Variants in ACLY observed in about 807,000 individuals in gnomAD.
The protein encoded by ACLY is ATP citrate lyase.
Under a neutral mutation model 133.0 loss-of-function variants are expected in ACLY, and 41 were observed. That is an observed-to-expected ratio of 0.31 (90% CI 0.24 to 0.40). The LOEUF (loss-of-function observed/expected upper bound fraction) is 0.40, where lower values mean the gene tolerates loss of function less well. Among genes scored for constraint, ACLY ranks in the 10% least tolerant of loss-of-function variants. ACLY has a pLI of 1.00. For missense variants in ACLY, 1,046 were observed against 1,453.8 expected (o/e 0.72, Z 4.56); for synonymous variants, 495 against 549.3 (o/e 0.90, Z 1.38).
chr17:41,916,378 GTTTTTTTTT>G (rs71155191), intron 1 of ACLY, among the ~76,000 whole-genome samples: 2 of 141,170 alleles, frequency 1.4e-5, no homozygotes, highest in African/African-American at 5.2e-5. Context: ...GTTTTGTTTT[GTTTTTTTTT>G]TTTTGAGAAG....
At chr17:41,891,577 G>A (rs1220648125) in intron 16 of ACLY, among the ~76,000 whole-genome samples, 2 of 151,428 alleles carry the variant, frequency 1.3e-5, no homozygotes, top group Non-Finnish European at 2.9e-5. Context: ...TTTTTTATAG[G>A]GACAGGGTCT....
At chr17:41,903,295 T>C (rs1290249911) in intron 10 of ACLY, among the ~76,000 whole-genome samples, 4 of 152,166 alleles carry the variant, frequency 2.6e-5, no homozygotes, top group Non-Finnish European at 4.4e-5. Context: ...TCTGTCTTCC[T>C]TGTTGACAGC....
At chr17:41,880,689 C>T (rs2048889312) in intron 20 of ACLY, among the ~76,000 whole-genome samples, 1 of 151,934 alleles carries the variant, frequency 6.6e-6, no homozygotes, top group Admixed American at 6.6e-5. Flanking sequence ...GGTGAAACCC[C>T]ATCTCTACTA....
At chr17:41,888,582 A>G (rs188675967) in intron 16 of ACLY, among the ~76,000 whole-genome samples, 43 of 152,290 alleles carry the variant, frequency 2.8e-4, no homozygotes, top group Admixed American at 1.3e-3. Context: ...ACTTCTGTAA[A>G]GGGTCAAGAT....
intron 5 of ACLY, among the ~76,000 whole-genome samples, 194 bp from the exon 6 acceptor site, chr17:41,909,262 G>T (rs1189946023): frequency 6.6e-6 from 1 of 152,202 alleles, no homozygotes; most frequent in African/African-American, 2.4e-5. Context: ...GAAAGGAGCT[G>T]TCAGGCGAGA....
At chr17:41,898,111 T>C (rs2049425386) in intron 12 of ACLY, among the ~76,000 whole-genome samples, 1 of 151,018 alleles carries the variant, frequency 6.6e-6, no homozygotes, top group Non-Finnish European at 1.5e-5. Flanking sequence ...TAAGTTTTTC[T>C]TTTCTTTTCT....
At chr17:41,871,653 C>A in intron 25 of ACLY, 36 bp downstream of exon 25, 1 of 1,612,846 alleles carries the variant, frequency 6.2e-7, no homozygotes, top group East Asian at 2.2e-5. Context: ...CCGCGCCTGG[C>A]CTCCATCCCA....
chr17:41,877,940 C>T (rs139055766), intron 22 of ACLY, among the ~76,000 whole-genome samples, 163 bp downstream of exon 22: 2 of 152,196 alleles, frequency 1.3e-5, no homozygotes, highest in East Asian at 3.9e-4. Context: ...AATAAACTCT[C>T]CTTTATATAT....
At chr17:41,896,202 C>G (rs943596557) in intron 14 of ACLY, among the ~76,000 whole-genome samples, 7 of 152,158 alleles carry the variant, frequency 4.6e-5, no homozygotes, top group African/African-American at 1.4e-4. Flanking sequence ...GCAGGGGTGA[C>G]TTGTGGCTCC....
chr17:41,904,898 A>G, intron 9 of ACLY, 108 bp from the exon 10 acceptor site: 1 of 1,064,870 alleles, frequency 9.4e-7, no homozygotes, highest in Non-Finnish European at 1.4e-6. Flanking sequence ...AGGGTCCCCC[A>G]TCTGCCAGGA....
intron 5 of ACLY, 73 bp from the exon 6 acceptor site, chr17:41,909,141 G>T: frequency 8.5e-7 from 1 of 1,183,086 alleles, no homozygotes; most frequent in Non-Finnish European, 1.2e-6. Context: ...GCGCCCCGCA[G>T]CAATCTCTCA....
intron 16 of ACLY, among the ~76,000 whole-genome samples, chr17:41,888,826 C>T (rs1262201029): frequency 6.6e-6 from 1 of 151,940 alleles, no homozygotes; most frequent in Non-Finnish European, 1.5e-5. Flanking sequence ...TAAAACCAAA[C>T]AAAAACCCCT....
chr17:41,893,783 A>C (rs1208296117), intron 14 of ACLY, among the ~76,000 whole-genome samples: 5 of 152,212 alleles, frequency 3.3e-5, no homozygotes, highest in African/African-American at 1.2e-4. Context: ...TGCACAAGGC[A>C]GGAGCAGCAA....
rs782360379 is a variant in ACLY, at chr17:41,912,509, G to A, written c.193C>T (p.Arg65Cys). 12 of 1,614,106 alleles carry A rather than the reference G, an allele frequency of 7.4e-6. No homozygotes were observed. The highest frequency in any genetic ancestry group is 4.5e-5 in the East Asian group (2 of 44,902). ...LVVKPDQLIK[R>C]RGKLGLVGVN... ...CCAACGAGACCAAGTTTTCCACGAC[G>A]TTTGATCAGCTGGTCTGGCTTGACT... Residue 65 changes from arginine to cysteine, a missense_variant, in exon 3 of 29, where the codon CGT becomes TGT. Arg to Cys is a radical substitution (Grantham distance 180, BLOSUM62 -3). Coordinates refer to ENST00000352035, the MANE Select transcript of ACLY (RefSeq NM_001096.3).
intron 1 of ACLY, among the ~76,000 whole-genome samples, chr17:41,914,200 A>G (rs1249554520): frequency 6.6e-6 from 1 of 152,192 alleles, no homozygotes; most frequent in South Asian, 2.1e-4. Flanking sequence ...AAACTAGCTG[A>G]TCCACAACCA....
chr17:41,906,696 G>C (rs1598031673), intron 7 of ACLY, 50 bp from the exon 8 acceptor site: 3 of 1,539,624 alleles, frequency 1.9e-6, no homozygotes, highest in East Asian at 2.2e-5. Context: ...CCCTTTACCA[G>C]GTCCCAGATC....
intron 18 of ACLY, among the ~76,000 whole-genome samples, chr17:41,884,948 C>T (rs1276412614): frequency 6.6e-6 from 1 of 152,154 alleles, no homozygotes; most frequent in East Asian, 1.9e-4. Context: ...TGGTGCACTG[C>T]AACCTCCGCC....
intron 22 of ACLY, among the ~76,000 whole-genome samples, chr17:41,876,358 C>T (rs2048757705): frequency 6.6e-6 from 1 of 151,798 alleles, no homozygotes; most frequent in East Asian, 1.9e-4. Flanking sequence ...GCCCGGCCGC[C>T]CCTACTGGGA....
rs1201456578 is a variant in ACLY at position 41,883,315 on chromosome 17, C to T, written c.2155-83G>A. 13 of 1,150,962 alleles carry T rather than the reference C, an allele frequency of 1.1e-5. 1 individual carries two copies. The highest frequency in any genetic ancestry group is 1.5e-5 in the Non-Finnish European group (12 of 782,380). 71.3% of individuals were successfully genotyped at this position (1,150,962 alleles called of 1,614,324 possible). A position where few individuals can be genotyped will look rare whatever the true frequency, so the allele number is the denominator to read the frequency against. On this transcript the variant is annotated intron_variant, in intron 19 of 28. Coordinates refer to ENST00000352035, the MANE Select transcript of ACLY (RefSeq NM_001096.3). ...AAACTGGATAGAAAATGGAGTGACACGGGCTTTGGCCAAATAAAAGGAGTT... is the reference window on the plus strand; with the variant it reads ...AAACTGGATAGAAAATGGAGTGACATGGGCTTTGGCCAAATAAAAGGAGTT...
Sources: allele counts gnomAD v4.1 joint callset (sites outside exome capture counted in the v4.1 genomes callset), GRCh38; gene constraint gnomAD v4.1.1; transcripts MANE v1.5; gene names NCBI Gene and HGNC (gene_info 2026-07-23, HGNC 2026-07-21).